The following MYO3B variants were observed in gnomAD, a reference collection of about 807,000 sequenced individuals.
MYO3B encodes the protein myosin IIIB.
A neutral mutation model predicts 174.6 loss-of-function variants in MYO3B; 156 were observed. The ratio of observed to expected loss-of-function variants is 0.89; its 90% CI spans 0.78 to 1.02. The LOEUF is 1.02. Among genes scored for constraint, MYO3B ranks in the 50% least tolerant of loss-of-function variants. The pLI is 0.00. For missense variants in MYO3B, 1,632 were observed against 1,639.4 expected, an observed-to-expected ratio of 1.00 and a Z score of 0.08; for synonymous variants, 563 against 569.1, an observed-to-expected ratio of 0.99 and a Z score of 0.15.
At chr2:170,539,675 A>G (rs1378342846) in intron 30 of MYO3B, among the ~76,000 whole-genome samples, 3 of 151,490 alleles carry the variant, frequency 2.0e-5, no homozygotes, top group South Asian at 4.2e-4. Context: ...GCTGGAGTGC[A>G]GTGGTGCGAT....
At chr2:170,520,165 G>A (rs985710358) in intron 30 of MYO3B, among the ~76,000 whole-genome samples, 1 of 152,064 alleles carries the variant, frequency 6.6e-6, no homozygotes, top group Admixed American at 6.6e-5. Flanking sequence ...CACAACTTTG[G>A]AGGGAAGAGT....
At chr2:170,412,790 T>C (rs2094554082) in intron 22 of MYO3B, among the ~76,000 whole-genome samples, 1 of 152,222 alleles carries the variant, frequency 6.6e-6, no homozygotes, top group African/African-American at 2.4e-5. Flanking sequence ...CTGAATCTAA[T>C]TGACAAAATT....
chr2:170,577,159 A>G (rs1692836218), intron 32 of MYO3B, among the ~76,000 whole-genome samples: 1 of 152,216 alleles, frequency 6.6e-6, no homozygotes, highest in Admixed American at 6.5e-5. Context: ...AGATCTTCGA[A>G]CCAGTAGAAC....
intron 1 of MYO3B, among the ~76,000 whole-genome samples, chr2:170,190,587 C>T (rs890526401): frequency 2.0e-5 from 3 of 152,200 alleles, no homozygotes; most frequent in East Asian, 1.9e-4. Context: ...TCCCACTCTT[C>T]CCTCCCCTTT....
chr2:170,651,955 A>T (rs138945462), intron 33 of MYO3B, among the ~76,000 whole-genome samples, 153 bp from the exon 34 acceptor site: 1 of 120,916 alleles, frequency 8.3e-6, no homozygotes, highest in Non-Finnish European at 1.7e-5. Flanking sequence ...TGCATGCTTC[A>T]TCAGGCTCAC....
rs189054865 is a variant in MYO3B at position 170,500,939 on chromosome 2, A to C, written c.3290-846A>C. On this transcript the variant is annotated intron_variant, in intron 27 of 34. Transcript: ENST00000408978. ...CACAACATTTAAGTTCCTGTGCAATAGACAAATGATTATGAAAGCACCAGA... is the reference window on the plus strand; with the variant it reads ...CACAACATTTAAGTTCCTGTGCAATCGACAAATGATTATGAAAGCACCAGA... Among the ~76,000 whole-genome samples the C allele has an allele frequency of 1.3e-3, 193 of 152,336 alleles. 1 individual carries two copies. In the Middle Eastern group the frequency reaches 0.017, roughly 13 times the overall value.
chr2:170,438,158 C>A (rs2094769935), intron 22 of MYO3B, among the ~76,000 whole-genome samples: 1 of 152,122 alleles, frequency 6.6e-6, no homozygotes, highest in African/African-American at 2.4e-5. Flanking sequence ...TTTGATATCT[C>A]ATGTAAGTGG....
At chr2:170,346,996 C>A (rs1012338788) in intron 8 of MYO3B, among the ~76,000 whole-genome samples, 1 of 152,028 alleles carries the variant, frequency 6.6e-6, no homozygotes, top group Non-Finnish European at 1.5e-5. Context: ...TGACCAAGTT[C>A]TTTGTTATGT....
At chr2:170,382,754 T>G in intron 10 of MYO3B, 1 of 216,906 alleles carries the variant, frequency 4.6e-6, no homozygotes, top group Non-Finnish European at 9.2e-6. Flanking sequence ...TAAATAAAAT[T>G]TTAAATACAA....
At chr2:170,602,259 A>G (rs1271786937) in intron 32 of MYO3B, 7 of 808,462 alleles carry the variant, frequency 8.7e-6, no homozygotes, top group Non-Finnish European at 1.5e-5. Context: ...CGAGGCACAC[A>G]GTCACCCAGT....
chr2:170,404,586 CG>C (rs1415458262), intron 20 of MYO3B, among the ~76,000 whole-genome samples, 186 bp downstream of exon 20: 3 of 152,124 alleles, frequency 2.0e-5, no homozygotes, highest in Non-Finnish European at 4.4e-5. Context: ...GCAAACCCAT[CG>C]CTATTCCTAA....
chr2:170,644,093 A>G (rs1020381646), intron 32 of MYO3B: 2 of 152,214 alleles, frequency 1.3e-5, no homozygotes, highest in Non-Finnish European at 2.9e-5. Context: ...GAAGACGACA[A>G]AAGCCTCATT....
intron 32 of MYO3B, among the ~76,000 whole-genome samples, chr2:170,641,672 C>A (rs762363835): frequency 4.6e-5 from 7 of 152,054 alleles, no homozygotes; most frequent in African/African-American, 1.7e-4. Flanking sequence ...TCTCTGGAAA[C>A]TTGTCTCAGC....
chr2:170,343,810 A>G (rs577998541), intron 8 of MYO3B: 2 of 152,386 alleles, frequency 1.3e-5, no homozygotes, highest in South Asian at 2.1e-4. Flanking sequence ...TGAACAAGTC[A>G]CTTAACTTTT....
chr2:170,228,335 A>G (rs1031961791), intron 6 of MYO3B, among the ~76,000 whole-genome samples: 3 of 152,182 alleles, frequency 2.0e-5, no homozygotes, highest in African/African-American at 7.2e-5. Context: ...CTCTTCTGTA[A>G]AAGAAGGGGG....
chr2:170,498,838 G>A, intron 26 of MYO3B, 135 bp downstream of exon 26: 3 of 615,854 alleles, frequency 4.9e-6, no homozygotes, highest in Non-Finnish European at 8.6e-6. Context: ...GTCTTTGCTG[G>A]TATTAAGTCA....
chr2:170,401,152 A>G (rs541856647), intron 17 of MYO3B, among the ~76,000 whole-genome samples: 2 of 152,364 alleles, frequency 1.3e-5, no homozygotes, highest in African/African-American at 4.8e-5. Flanking sequence ...TTAAAACTGT[A>G]GGACATTTTA....
At position 170,498,575 on chromosome 2, in the gene MYO3B, A is replaced by G. The variant is rs544316881; in HGVS notation, c.3015-17A>G. The G allele has an allele frequency of 1.1e-5, 18 of 1,580,908 alleles. No individual in the cohort carries two copies. In the South Asian group the frequency reaches 1.8e-4, roughly 16 times the overall value. ...ATGGTGACTGAAAAGGCTTCACTTA[A>G]TTCTTTTATTTTGCAGGTATTATTA... On this transcript the variant is annotated splice_polypyrimidine_tract_variant and intron_variant, in intron 25 of 34. Coordinates refer to ENST00000408978, the MANE Select transcript of MYO3B (RefSeq NM_138995.5).
chr2:170,545,991 A>T (rs1690454756), intron 32 of MYO3B, among the ~76,000 whole-genome samples: 1 of 152,090 alleles, frequency 6.6e-6, no homozygotes. Context: ...CTTCTTTTCT[A>T]GCTCTAACTT....
Sources: allele counts gnomAD v4.1 joint callset (sites outside exome capture counted in the v4.1 genomes callset), GRCh38; gene constraint gnomAD v4.1.1; transcripts MANE v1.5; gene names NCBI Gene and HGNC (gene_info 2026-07-23, HGNC 2026-07-21).